The following TDRD9 variants were observed in gnomAD, a reference collection of about 807,000 sequenced individuals.
The protein encoded by TDRD9 is tudor domain containing 9, also known as ATP-dependent RNA helicase TDRD9.
Under a neutral mutation model 172.6 loss-of-function variants are expected in TDRD9, and 124 were observed. That is an observed-to-expected ratio of 0.72 (90% CI 0.62 to 0.83). The LOEUF (loss-of-function observed/expected upper bound fraction) is 0.83. Among genes scored for constraint, TDRD9 ranks in the 40% least tolerant of loss-of-function variants. TDRD9 has a pLI of 0.00. For missense variants in TDRD9, 1,479 were observed against 1,714.1 expected (o/e 0.86, Z 2.42); for synonymous variants, 619 against 617.1 (o/e 1.00, Z -0.05).
intron 29 of TDRD9, among the ~76,000 whole-genome samples, chr14:104,031,574 C>T (rs1318244402): frequency 2.0e-5 from 3 of 148,460 alleles, no homozygotes; most frequent in Non-Finnish European, 4.5e-5. Flanking sequence ...CAGCCTTGGA[C>T]TCCCTGGCTG....
At chr14:103,967,619 A>G (rs1169527730) in intron 5 of TDRD9, among the ~76,000 whole-genome samples, 2 of 152,200 alleles carry the variant, frequency 1.3e-5, no homozygotes, top group African/African-American at 4.8e-5. Context: ...ATAACGAATA[A>G]TACAACATAT....
chr14:103,998,953 T>C (rs2034159458), intron 13 of TDRD9, among the ~76,000 whole-genome samples: 2 of 152,114 alleles, frequency 1.3e-5, no homozygotes, highest in African/African-American at 4.8e-5. Context: ...CCACCACGCC[T>C]GGCTAATTTT....
chr14:104,029,346 C>G (rs557256016), intron 28 of TDRD9, among the ~76,000 whole-genome samples: 85 of 152,234 alleles, frequency 5.6e-4, no homozygotes, highest in South Asian at 1.5e-3. Flanking sequence ...GTGTCCTCTT[C>G]AATTGCTTTA....
chr14:103,999,643 A>ATTT (rs1566771643), intron 13 of TDRD9, among the ~76,000 whole-genome samples: 1 of 130,570 alleles, frequency 7.7e-6, no homozygotes, highest in Non-Finnish European at 1.7e-5. Context: ...TGTTTTTTAG[A>ATTT]AAACCTTTTG....
intron 13 of TDRD9, among the ~76,000 whole-genome samples, chr14:103,999,892 G>T (rs2034202407): frequency 6.6e-6 from 1 of 152,180 alleles, no homozygotes; most frequent in African/African-American, 2.4e-5. Flanking sequence ...CTTGCTCAAG[G>T]TTATAGTAGG....
intron 13 of TDRD9, among the ~76,000 whole-genome samples, 181 bp from the exon 14 acceptor site, chr14:104,004,057 G>A (rs1461154913): frequency 1.3e-5 from 2 of 152,104 alleles, no homozygotes; most frequent in African/African-American, 4.8e-5. Flanking sequence ...TTAGAATAAT[G>A]TTTAAAATAA....
chr14:103,948,257 TC>T (rs1341760883), intron 1 of TDRD9, among the ~76,000 whole-genome samples: 1 of 152,022 alleles, frequency 6.6e-6, no homozygotes, highest in African/African-American at 2.4e-5. Context: ...TTTCAAGTGA[TC>T]CTCCCACCTT....
At chr14:104,017,641 TA>T (rs2034832960) in intron 22 of TDRD9, among the ~76,000 whole-genome samples, 1 of 152,236 alleles carries the variant, frequency 6.6e-6, no homozygotes, top group Non-Finnish European at 1.5e-5. Context: ...GTTTATACAT[TA>T]AAAGTCACTG....
intron 1 of TDRD9, among the ~76,000 whole-genome samples, chr14:103,935,039 T>C (rs7147107): frequency 0.43 from 65,673 of 152,084 alleles, 14,425 homozygotes; most frequent in Admixed American, 0.51. Context: ...GAAGACTGAT[T>C]TTCCCTGACC....
chr14:104,005,759 G>A (rs577629920), intron 15 of TDRD9, among the ~76,000 whole-genome samples: 9 of 152,294 alleles, frequency 5.9e-5, no homozygotes, highest in East Asian at 1.9e-4. Flanking sequence ...GGCTGTGGAC[G>A]TTCTGCTTCT....
rs769630396 is a variant in TDRD9, at chr14:103,963,140, A to G, written c.384A>G (p.Lys128=). 2.6e-5 allele frequency: 40 copies of G among 1,549,350 alleles called. No individual in the cohort carries two copies. The highest frequency in any genetic ancestry group is 3.4e-5 in the Non-Finnish European group (39 of 1,145,880). ...CATGCATCCCAGGGACAACTTATAA[A>G]TATCCTGATTTGCCTATAAGTCGAT... The part of the protein sequence containing the change: ...SVTCIPGTTY[K]YPDLPISRYK... The change falls in exon 3 of 36, where the codon AAA becomes AAG. Residue 128 remains lysine, a synonymous_variant. Coordinates refer to ENST00000409874, the MANE Select transcript of TDRD9 (RefSeq NM_153046.3).
intron 1 of TDRD9, among the ~76,000 whole-genome samples, chr14:103,952,992 G>A (rs920283532): frequency 6.6e-6 from 1 of 151,722 alleles, no homozygotes; most frequent in Non-Finnish European, 1.5e-5. Flanking sequence ...CACCCGCCTC[G>A]ACCTCCTAAA....
rs528729698 is a variant in TDRD9 at position 104,016,783 on chromosome 14, G to T, written c.2331+695G>T. Among the ~76,000 whole-genome samples, 4 of 152,324 alleles carry T rather than the reference G, an allele frequency of 2.6e-5. No homozygotes were observed. The South Asian group carries it at 8.3e-4, about 32-fold the overall frequency. On this transcript the variant is annotated intron_variant, in intron 22 of 35. Coordinates refer to ENST00000409874, the MANE Select transcript of TDRD9 (RefSeq NM_153046.3). Reference sequence around the variant, plus strand: ...ATGTGCCTGTATCTGATAAGGCGGGGTGAGAAGCGCTTGAAGTTCCTTCGT... The same window carrying T: ...ATGTGCCTGTATCTGATAAGGCGGGTTGAGAAGCGCTTGAAGTTCCTTCGT...
intron 20 of TDRD9, among the ~76,000 whole-genome samples, chr14:104,009,295 AC>A (rs1224207579): frequency 1.3e-5 from 2 of 152,220 alleles, no homozygotes; most frequent in East Asian, 1.9e-4. Context: ...TATAACTAAT[AC>A]CAGATCTCAG....
chr14:103,938,845 A>T (rs2030987270), intron 1 of TDRD9, among the ~76,000 whole-genome samples: 1 of 152,136 alleles, frequency 6.6e-6, no homozygotes, highest in Admixed American at 6.6e-5. Context: ...TTGTATTAAA[A>T]TTTCTATTTG....
At chr14:104,040,564 C>T (rs2035584349) in intron 33 of TDRD9, among the ~76,000 whole-genome samples, 1 of 152,194 alleles carries the variant, frequency 6.6e-6, no homozygotes, top group Non-Finnish European at 1.5e-5. Context: ...ATGGTGCTCT[C>T]TGAGTCTCTC....
intron 1 of TDRD9, among the ~76,000 whole-genome samples, chr14:103,931,879 G>A (rs753048221): frequency 6.6e-6 from 1 of 152,140 alleles, no homozygotes; most frequent in Admixed American, 6.5e-5. Context: ...ATCATTGCTC[G>A]GAGGGGCCAC....
intron 33 of TDRD9, 55 bp from the exon 34 acceptor site, chr14:104,042,014 T>G: frequency 1.7e-6 from 2 of 1,146,320 alleles, no homozygotes; most frequent in Non-Finnish European, 1.3e-6. Context: ...TCTAACGGGA[T>G]GAAATTCAGT....
intron 7 of TDRD9, 121 bp downstream of exon 7, chr14:103,975,674 A>G: frequency 1.0e-6 from 1 of 955,752 alleles, no homozygotes; most frequent in Non-Finnish European, 1.5e-6. Context: ...ATTGATGCAT[A>G]CTAAGTGTAC....
Sources: allele counts gnomAD v4.1 joint callset (sites outside exome capture counted in the v4.1 genomes callset), GRCh38; gene constraint gnomAD v4.1.1; transcripts MANE v1.5; gene names NCBI Gene and HGNC (gene_info 2026-07-23, HGNC 2026-07-21).